DGKH: variants seen among roughly 807,000 people sequenced by gnomAD.
DGKH encodes the protein diacylglycerol kinase eta.
DGKH carries 90 observed loss-of-function variants against 159.3 expected under a neutral mutation model. That is an observed-to-expected ratio of 0.57 (90% CI 0.48 to 0.67). DGKH has a LOEUF of 0.67. Ranked by LOEUF, DGKH falls within the 30% of genes least tolerant of loss-of-function variation. The pLI is 0.00. For synonymous variants in DGKH, 536 were observed against 553.8 expected, an observed-to-expected ratio of 0.97 and a Z score of 0.45; for missense variants, 1,181 against 1,506.1, an observed-to-expected ratio of 0.78 and a Z score of 3.57.
At chr13:42,066,462 A>C (rs1882583217) in intron 1 of DGKH, 2 of 152,338 alleles carry the variant, frequency 1.3e-5, no homozygotes, top group South Asian at 4.1e-4. Context: ...CACATTTAGC[A>C]TATTTTCACA....
chr13:42,194,162 CAG>C (rs1481592160), intron 16 of DGKH, among the ~76,000 whole-genome samples: 1 of 152,148 alleles, frequency 6.6e-6, no homozygotes, highest in African/African-American at 2.4e-5. Flanking sequence ...ATGTATGAGA[CAG>C]AGTCTTACTG....
At chr13:42,196,313 G>A (rs1184598427) in intron 17 of DGKH, among the ~76,000 whole-genome samples, 2 of 152,156 alleles carry the variant, frequency 1.3e-5, no homozygotes, top group South Asian at 2.1e-4. Flanking sequence ...ACACCCAAGA[G>A]AATTGAAAAT....
Position 42,131,413 on chromosome 13 carries a change from G to C in DGKH, c.384+1781G>C, listed in dbSNP as rs75878385. Among the ~76,000 whole-genome samples, 294 of 152,286 alleles carry C rather than the reference G, an allele frequency of 1.9e-3. 1 individual carries two copies. Among genetic ancestry groups the C allele is most frequent in the African/African-American group, 6.7e-3 (280 of 41,562 alleles). On this transcript the variant is annotated intron_variant, in intron 3 of 29. Transcript: ENST00000337343. ...AGCTGACGGGTGTAGGAATCAGAGC[G>C]CAGGTTAAGAGATCAGCATTGAACG...
chr13:42,219,535 A>C, intron 27 of DGKH, 151 bp from the exon 28 acceptor site: 1 of 1,152,716 alleles, frequency 8.7e-7, no homozygotes, highest in African/African-American at 1.6e-5. Flanking sequence ...GGACATTTTT[A>C]GTAGTACATT....
At chr13:42,082,217 C>G (rs1365764810) in intron 1 of DGKH, among the ~76,000 whole-genome samples, 1 of 151,890 alleles carries the variant, frequency 6.6e-6, no homozygotes, top group Non-Finnish European at 1.5e-5. Context: ...GCATTTGACA[C>G]CCCACACTTG....
chr13:42,177,514 A>G (rs1177799905), intron 12 of DGKH, among the ~76,000 whole-genome samples: 1 of 151,918 alleles, frequency 6.6e-6, no homozygotes, highest in East Asian at 1.9e-4. Flanking sequence ...TAGATATAGA[A>G]GTTGAATTTC....
At chr13:42,071,008 C>T in intron 1 of DGKH, 1 of 1,298,732 alleles carries the variant, frequency 7.7e-7, no homozygotes, top group Non-Finnish European at 1.1e-6. Context: ...GTAATTGCCT[C>T]CACAACCCAG....
intron 5 of DGKH, among the ~76,000 whole-genome samples, chr13:42,156,473 T>C (rs1286282235): frequency 2.0e-5 from 3 of 152,084 alleles, no homozygotes; most frequent in Non-Finnish European, 4.4e-5. Flanking sequence ...ACTCCTGGGC[T>C]CAAGCAATCC....
rs1030849591 is a variant in DGKH at position 42,234,114 on chromosome 13, C to A, written c.*4926C>A. ...TGCCTGAAGAATAATATTTCATATT[C>A]TTGACCCCCAAATAACAGTTTACTT... is the stretch of plus-strand genomic sequence containing the variant. On this transcript the variant is annotated 3_prime_UTR_variant, in exon 30 of 30. Transcript: ENST00000337343. 6 of 145,322 alleles carry A rather than the reference C, an allele frequency of 4.1e-5. No individual in the cohort carries two copies. Among genetic ancestry groups the A allele is most frequent in the African/African-American group, 1.5e-4 (6 of 39,260 alleles). 9.0% of individuals were successfully genotyped at this position (145,322 alleles called of 1,614,324 possible).
chr13:42,159,244 CTTTTTTTT>C lies in DGKH; in HGVS notation c.623-10_623-3del. On this transcript the variant is annotated splice_polypyrimidine_tract_variant and intron_variant, in intron 5 of 29. Transcript: ENST00000337343. The stretch of plus-strand genomic sequence containing the variant: ...TCTTGTCCACTTAAAAGCAGTTGCT[CTTTTTTTT>C]TTTTTTTTTTTAGTGTGTAAATTCA... 9 of 213,276 alleles carry C rather than the reference CTTTTTTTT, an allele frequency of 4.2e-5. No homozygotes were observed. Among genetic ancestry groups the C allele is most frequent in the African/African-American group, 2.4e-4 (6 of 25,466 alleles). The allele number at this position is 213,276 out of a possible 1,614,324, so 13.2% of individuals were successfully genotyped here.
At chr13:42,141,683 C>T (rs1053801003) in intron 3 of DGKH, among the ~76,000 whole-genome samples, 2 of 152,074 alleles carry the variant, frequency 1.3e-5, no homozygotes, top group Admixed American at 1.3e-4. Flanking sequence ...TGTCTTTTGG[C>T]TGTATAAATG....
chr13:42,042,095 C>G (rs1880547996), intron 1 of DGKH, among the ~76,000 whole-genome samples: 1 of 152,206 alleles, frequency 6.6e-6, no homozygotes, highest in African/African-American at 2.4e-5. Flanking sequence ...CTGCAGCTGT[C>G]TTTGCTTTCG....
At chr13:42,112,289 T>C (rs1954878194) in intron 1 of DGKH, among the ~76,000 whole-genome samples, 1 of 150,376 alleles carries the variant, frequency 6.6e-6, no homozygotes. Flanking sequence ...TGTGGCTTTT[T>C]TTTTTTTTTT....
chr13:42,119,783 T>C (rs1358089024), intron 1 of DGKH, among the ~76,000 whole-genome samples: 1 of 152,252 alleles, frequency 6.6e-6, no homozygotes, highest in African/African-American at 2.4e-5. Flanking sequence ...ATGTAATCTG[T>C]ATGTTTTTAA....
rs1289409104 is a variant in DGKH at position 42,241,787 on chromosome 13, A to G, written c.*12599A>G. The G allele has an allele frequency of 3.9e-5, 6 of 152,254 alleles. No individual in the cohort carries two copies. The highest frequency in any genetic ancestry group is 8.8e-5 in the Non-Finnish European group (6 of 68,038). 9.4% of individuals were successfully genotyped at this position (152,254 alleles called of 1,614,324 possible). A position where few individuals can be genotyped will look rare whatever the true frequency, so the allele number is the denominator to read the frequency against. On this transcript the variant is annotated 3_prime_UTR_variant, in exon 30 of 30. Transcript: ENST00000337343. ...ATACGTATCTAAGCATATAGTAAATATTACTAGTACTTGTGTGCCATGAGG... is the reference window on the plus strand; with the variant it reads ...ATACGTATCTAAGCATATAGTAAATGTTACTAGTACTTGTGTGCCATGAGG...
chr13:42,245,080 T>A (rs1325126526), downstream of DGKH, among the ~76,000 whole-genome samples: 1 of 151,866 alleles, frequency 6.6e-6, no homozygotes, highest in Non-Finnish European at 1.5e-5. Flanking sequence ...GGAAATGAAG[T>A]TGGACTTAAG....
At chr13:42,149,070 C>G (rs1234712688) in intron 3 of DGKH, among the ~76,000 whole-genome samples, 1 of 151,504 alleles carries the variant, frequency 6.6e-6, no homozygotes, top group Non-Finnish European at 1.5e-5. Context: ...CCGGCTTTCC[C>G]AGGCATATGC....
intron 1 of DGKH, among the ~76,000 whole-genome samples, chr13:42,112,368 A>G (rs1467806968): frequency 1.1e-4 from 15 of 139,450 alleles, no homozygotes; most frequent in Non-Finnish European, 1.5e-5. Context: ...TGCAGCCTTG[A>G]CATCCTGGGC....
chr13:42,110,595 T>TTCATTCATTCATTCAC (rs1954845094), intron 1 of DGKH, among the ~76,000 whole-genome samples: 1 of 152,152 alleles, frequency 6.6e-6, no homozygotes, highest in Non-Finnish European at 1.5e-5. Flanking sequence ...TAATCATTCA[T>TTCATTCATTCATTCAC]TCATTCATTC....
Sources: allele counts gnomAD v4.1 joint callset (sites outside exome capture counted in the v4.1 genomes callset), GRCh38; gene constraint gnomAD v4.1.1; transcripts MANE v1.5; gene names NCBI Gene and HGNC (gene_info 2026-07-23, HGNC 2026-07-21).